DPP7: variants seen among roughly 807,000 people sequenced by gnomAD.
DPP7 encodes dipeptidyl peptidase 2.
Under a neutral mutation model 58.8 loss-of-function variants are expected in DPP7, and 74 were observed. That is an observed-to-expected ratio of 1.26 (90% CI 1.04 to 1.53). The LOEUF is 1.53. DPP7 is among the 40% of genes most tolerant of loss of function. The pLI is 0.00. For synonymous variants in DPP7, 350 were observed against 303.6 expected, an observed-to-expected ratio of 1.15 and a Z score of -1.59; for missense variants, 807 against 692.3, an observed-to-expected ratio of 1.17 and a Z score of -1.86.
chr9:137,114,647 C>T lies in DPP7; in HGVS notation c.67G>A (p.Ala23Thr). The change falls in exon 1 of 13, where the codon GCC becomes ACC. Residue 23 changes from alanine to threonine, a missense_variant and splice_region_variant. By Grantham distance (58) the Ala-to-Thr change is moderately conservative. Around this residue, in one of 3 missense-constraint regions of DPP7, gnomAD observed 168 missense variants for 124.1 expected, o/e 1.35. Transcript: ENST00000371579. The stretch of plus-strand genomic sequence containing the variant: ...TGGGCCGGGGGGCGCCGCCACTCAC[C>T]CCCCGCCTGGAGGCCGCGCAGCCCG... ...ALGLRGLQAG[A>T]RRAPDPGFQE... is the part of the protein sequence containing the mutation. 2.9e-6 allele frequency: 4 copies of T among 1,380,778 alleles called. No homozygotes were observed. The highest frequency in any genetic ancestry group is 3.7e-6 in the Non-Finnish European group (4 of 1,068,274). 85.5% of individuals were successfully genotyped at this position (1,380,778 alleles called of 1,614,324 possible).
At position 137,110,970 on chromosome 9, in the gene DPP7, C is replaced by T. The variant is rs534826588; in HGVS notation, c.1273-20G>A. On this transcript the variant is annotated intron_variant, in intron 11 of 12. Transcript: ENST00000371579. ...CCGAATCTGTGGTCAGTGGAAAGAA[C>T]TCCATCAGGTGAGGAACGAGGCAAC... 6.3e-5 allele frequency: 102 copies of T among 1,611,992 alleles called. No homozygotes were observed. In the South Asian group the frequency reaches 1.0e-3, roughly 16 times the overall value.
upstream of DPP7, among the ~76,000 whole-genome samples, chr9:137,117,964 A>G (rs555637822): frequency 4.0e-5 from 6 of 151,338 alleles, no homozygotes; most frequent in African/African-American, 1.5e-4. Context: ...CAGGTACGTC[A>G]TATCAGTGGA....
chr9:137,111,529 G>A lies in DPP7; in HGVS notation c.1272+161C>T, dbSNP rs187694433. Among the ~76,000 whole-genome samples, 118 of 152,288 alleles carry A rather than the reference G, an allele frequency of 7.7e-4. No individual in the cohort carries two copies. Among genetic ancestry groups the A allele is most frequent in the Non-Finnish European group, 1.3e-3 (91 of 68,008 alleles). On this transcript the variant is annotated intron_variant, in intron 11 of 12. Coordinates refer to ENST00000371579, the MANE Select transcript of DPP7 (RefSeq NM_013379.3). ...AAATTAGCTGGGCATGTTGGTGAGC[G>A]CCTGTAGTCCCAGTTACTGGGAGGC...
rs138978681 is a variant in DPP7 at position 137,114,019 on chromosome 9, C to G, written c.331G>C (p.Gly111Arg). 1 of 1,490,164 alleles carries G rather than the reference C, an allele frequency of 6.7e-7. No homozygotes were observed. The allele number at this position is 1,490,164 out of a possible 1,614,324, so 92.3% of individuals were successfully genotyped here. A position where few individuals can be genotyped will look rare whatever the true frequency, so the allele number is the denominator to read the frequency against. The change falls in exon 4 of 13, where the codon GGG (glycine) becomes CGG (arginine). Residue 111 changes from glycine to arginine, a missense_variant. By Grantham distance (125) the Gly-to-Arg change is moderately radical (BLOSUM62 -2). Around this residue, in one of 3 missense-constraint regions of DPP7, gnomAD observed 15 missense variants for 37.0 expected, o/e 0.41. Transcript: ENST00000371579. ...LLVFAEHRYY[G>R]KSLPFGAQST... is the part of the protein sequence containing the mutation. ...TGCGCACCGAACGGCAGCGACTTCC[C>G]GTAGTAGCGCTGGGGGAACGTGCCA...
chr9:137,112,464 CCTGCTGCCCT>C (rs1831419341), intron 8 of DPP7: 5 of 623,342 alleles, frequency 8.0e-6, no homozygotes, highest in Non-Finnish European at 1.1e-5. Context: ...CAGGGTGGGG[CCTGCTGCCCT>C]CTGTTGCCCT....
chr9:137,114,848 G>T, upstream of DPP7: 1 of 564,450 alleles, frequency 1.8e-6, no homozygotes, highest in Non-Finnish European at 2.6e-6. Context: ...CCGCGCCGGG[G>T]CTGTGCCCCC....
chr9:137,114,896 T>G, upstream of DPP7: 1 of 366,576 alleles, frequency 2.7e-6, no homozygotes, highest in Non-Finnish European at 4.7e-6. Flanking sequence ...CCAGGGGTCC[T>G]TCCCGGGCAC....
intron 4 of DPP7, 53 bp downstream of exon 4, chr9:137,113,812 G>GC (rs1026547513): frequency 1.1e-5 from 16 of 1,395,492 alleles, no homozygotes; most frequent in Non-Finnish European, 1.5e-5. Context: ...GGCTGGGGGC[G>GC]CTGGGTCGGG....
At position 137,112,159 on chromosome 9, in the gene DPP7, G is replaced by T. The variant is rs757654988; in HGVS notation, c.1003C>A (p.Pro335Thr). 6.2e-7 allele frequency: 1 copy of T among 1,609,668 alleles called. No homozygotes were observed. Among genetic ancestry groups the T allele is most frequent in the South Asian group, 1.1e-5 (1 of 91,052 alleles). ...TCGGGGCCGGTGCCGCAGCCAGTGG[G>T]GTCAGCACAGCTGTGGTAGAGCCGG... is the stretch of plus-strand genomic sequence containing the variant. ...IYRLYHSCADPTGCGTGPDAR... is the reference protein window; with the variant it reads ...IYRLYHSCADTTGCGTGPDAR... The change falls in exon 9 of 13, where the codon CCC becomes ACC. Residue 335 changes from proline to threonine, a missense_variant. This residue lies in a region of DPP7 where 624 missense variants were observed against 531.2 expected (regional missense o/e 1.17). Transcript: ENST00000371579.
In DPP7 at chr9:137,110,783, T is replaced by G; in HGVS notation, c.1344A>C (p.Arg448Ser). The G allele has an allele frequency of 6.2e-7, 1 of 1,604,258 alleles. No individual in the cohort carries two copies. Residue 448 changes from arginine to serine, a missense_variant and splice_region_variant, in exon 13 of 13, where the codon AGA (arginine) becomes AGC (serine). By Grantham distance (110) the Arg-to-Ser change is moderately radical. Coordinates refer to ENST00000371579, the MANE Select transcript of DPP7 (RefSeq NM_013379.3). ...IQGGAHHLDL[R>S]ASHPEDPASV... The stretch of plus-strand genomic sequence containing the variant: ...AAGCAGGATCTTCTGGGTGGGAGGC[T>G]CTGGGGAGCGGGCACAGAGGGGGCC...
Position 137,110,724 on chromosome 9 carries a change from ATGG to A in DPP7, c.1400_1402del (p.Thr467del), listed in dbSNP as rs771813924. Reference sequence around the variant, plus strand: ...GGCTGCCTTTACCCACTCGCCGATGATGGTGGCCTCCAGCTTCCGCGCCTCAAC... The same window carrying A: ...GGCTGCCTTTACCCACTCGCCGATGATGGCCTCCAGCTTCCGCGCCTCAAC... On this transcript the variant is annotated inframe_deletion, in exon 13 of 13. Transcript: ENST00000371579. 1.1e-5 allele frequency: 17 copies of A among 1,607,400 alleles called. No individual in the cohort carries two copies. The highest frequency in any genetic ancestry group is 2.2e-5 in the East Asian group (1 of 44,846).
chr9:137,114,949 C>G (rs1047281983), upstream of DPP7: 3 of 329,970 alleles, frequency 9.1e-6, no homozygotes, highest in African/African-American at 2.2e-5. Flanking sequence ...TCCGCGGCCT[C>G]CCGCCCCACT....
intron 4 of DPP7, 47 bp from the exon 5 acceptor site, chr9:137,113,543 T>G (rs1831484650): frequency 2.0e-6 from 3 of 1,508,910 alleles, no homozygotes; most frequent in Middle Eastern, 3.6e-4. Context: ...AACACCCCAT[T>G]TCCTCTTTTC....
chr9:137,117,111 C>A (rs531652986), upstream of DPP7, among the ~76,000 whole-genome samples: 1 of 152,188 alleles, frequency 6.6e-6, no homozygotes, highest in East Asian at 1.9e-4. Flanking sequence ...TACTGAGCGC[C>A]GTCTCCTGGG....
At chr9:137,111,318 GGGGC>G (rs1416883099) in intron 11 of DPP7, among the ~76,000 whole-genome samples, 125 of 149,078 alleles carry the variant, frequency 8.4e-4, no homozygotes, top group African/African-American at 1.3e-3. Flanking sequence ...GAGCAGGGTA[GGGGC>G]AGGCGAGGGG....
At chr9:137,112,633 G>T in intron 8 of DPP7, 112 bp downstream of exon 8, 1 of 1,300,512 alleles carries the variant, frequency 7.7e-7, no homozygotes, top group Non-Finnish European at 1.1e-6. Context: ...CAGCCCTGGG[G>T]CAGGAGGCAA....
intron 7 of DPP7, 32 bp from the exon 8 acceptor site, chr9:137,112,837 G>A (rs1831443319): frequency 1.9e-6 from 3 of 1,605,404 alleles, no homozygotes; most frequent in Non-Finnish European, 2.5e-6. Flanking sequence ...GACTCAGCGG[G>A]GTCCCCTCCA....
In DPP7 at chr9:137,113,508, A is replaced by G. The variant is rs760207526; in HGVS notation, c.486-12T>C. 1.5e-5 allele frequency: 23 copies of G among 1,547,012 alleles called. No homozygotes were observed. The East Asian group carries it at 5.0e-4, about 34-fold the overall frequency. ...GCATCCCCCCATAACTGGGTGAGGG[A>G]CACAGGGTTAGGGCTGCTGCCCCCA... On this transcript the variant is annotated splice_polypyrimidine_tract_variant and intron_variant, in intron 4 of 12. Coordinates refer to ENST00000371579, the MANE Select transcript of DPP7 (RefSeq NM_013379.3).
intron 4 of DPP7, 79 bp downstream of exon 4, chr9:137,113,786 G>A: frequency 7.2e-7 from 1 of 1,392,080 alleles, no homozygotes. Flanking sequence ...GGGAGTCAGA[G>A]GGGAGTGGGG....
Sources: gnomAD v4.1 joint callset for allele counts (sites outside exome capture counted in the v4.1 genomes callset) on GRCh38, gnomAD v4.1.1 for gene constraint, gnomAD v4.1.1 regional missense constraint, MANE v1.5 for transcripts, NCBI Gene and HGNC (gene_info 2026-07-23, HGNC 2026-07-21) for gene names.